The following CNTLN variants were observed in gnomAD, a reference collection of about 807,000 sequenced individuals.
The protein encoded by CNTLN is centlein, centrosomal protein.
Under a neutral mutation model 180.0 loss-of-function variants are expected in CNTLN, and 212 were observed. That is an observed-to-expected ratio of 1.18 (90% confidence interval 1.05 to 1.32). The LOEUF (loss-of-function observed/expected upper bound fraction) is 1.32, where lower values mean the gene tolerates loss of function less well. CNTLN is among the 40% of genes most tolerant of loss of function. CNTLN has a pLI of 0.00. For synonymous variants in CNTLN, 722 were observed against 563.1 expected, an observed-to-expected ratio of 1.28 and a Z score of -3.99; for missense variants, 2,095 against 1,610.9, an observed-to-expected ratio of 1.30 and a Z score of -5.14.
chr9:17,502,604 A>G lies in CNTLN; in HGVS notation c.4173A>G (p.Lys1391=), dbSNP rs772084639. The G allele has an allele frequency of 9.9e-6, 14 of 1,414,524 alleles. No homozygotes were observed. Among genetic ancestry groups the G allele is most frequent in the Non-Finnish European group, 1.4e-5 (14 of 1,033,876 alleles). The allele number at this position is 1,414,524 out of a possible 1,614,324, so 87.6% of individuals were successfully genotyped here. A position where few individuals can be genotyped will look rare whatever the true frequency, so the allele number is the denominator to read the frequency against. Residue 1391 remains lysine, a synonymous_variant, in exon 26 of 26, where the codon AAA becomes AAG. Coordinates refer to ENST00000380647, the MANE Select transcript of CNTLN (RefSeq NM_017738.4). ...CAGTACTGGAAAAAATAAATGAAAAAAAGAAACTAGTTGAAGGATATTTCA... is the reference window on the plus strand; with the variant it reads ...CAGTACTGGAAAAAATAAATGAAAAGAAGAAACTAGTTGAAGGATATTTCA... ...LEAVLEKINE[K]KKLVEGYFTI...
chr9:17,493,140 A>G (rs1312750662), intron 25 of CNTLN, among the ~76,000 whole-genome samples: 1 of 152,046 alleles, frequency 6.6e-6, no homozygotes, highest in Non-Finnish European at 1.5e-5. Context: ...GAAAAATCCT[A>G]GAGATAGAGG....
intron 19 of CNTLN, among the ~76,000 whole-genome samples, chr9:17,462,355 C>T (rs1831505715): frequency 6.6e-6 from 1 of 151,718 alleles, no homozygotes; most frequent in Non-Finnish European, 1.5e-5. Context: ...GCAAGGTGAT[C>T]CTGGAGCAGC....
chr9:17,364,254 T>TA (rs1306565184), intron 12 of CNTLN, among the ~76,000 whole-genome samples: 3 of 152,194 alleles, frequency 2.0e-5, no homozygotes, highest in Admixed American at 2.0e-4. Flanking sequence ...TAATTTCTAT[T>TA]AAATGCTTTC....
At chr9:17,516,605 C>A in the CNTLN span, among the ~76,000 whole-genome samples, 1 of 152,122 alleles carries the variant, frequency 6.6e-6, no homozygotes, top group East Asian at 1.9e-4. Context: ...TTCTTGGCCC[C>A]CCCTGGATAA....
At chr9:17,307,111 G>A (rs1417633221) in intron 7 of CNTLN, among the ~76,000 whole-genome samples, 4 of 152,092 alleles carry the variant, frequency 2.6e-5, no homozygotes, top group East Asian at 1.9e-4. Flanking sequence ...CATTGGACAT[G>A]CTCCTTGGTA....
chr9:17,351,559 AT>A (rs1302939095), intron 12 of CNTLN, among the ~76,000 whole-genome samples: 3 of 151,828 alleles, frequency 2.0e-5, no homozygotes, highest in Admixed American at 1.3e-4. Context: ...TTTATGTATT[AT>A]TTTTTTTCTG....
intron 2 of CNTLN, among the ~76,000 whole-genome samples, chr9:17,219,442 A>G (rs1157202755): frequency 6.6e-6 from 1 of 152,052 alleles, no homozygotes; most frequent in Non-Finnish European, 1.5e-5. Flanking sequence ...AAAATGTTAG[A>G]CATCTCATAC....
At chr9:17,393,970 C>A (rs1826301112) in intron 14 of CNTLN, among the ~76,000 whole-genome samples, 1 of 151,678 alleles carries the variant, frequency 6.6e-6, no homozygotes, top group African/African-American at 2.4e-5. Flanking sequence ...TATGTGCAAC[C>A]TTGAAATCAT....
At chr9:17,341,718 C>T (rs116611204) in intron 11 of CNTLN, among the ~76,000 whole-genome samples, 1,999 of 152,162 alleles carry the variant, frequency 0.013, 43 homozygotes, top group African/African-American at 0.046. Flanking sequence ...GTTTTATGTT[C>T]AGAAAATGAA....
intron 6 of CNTLN, among the ~76,000 whole-genome samples, chr9:17,290,905 G>C (rs533957253): frequency 1.3e-5 from 2 of 152,288 alleles, no homozygotes; most frequent in Non-Finnish European, 2.9e-5. Context: ...TGCGCCCACT[G>C]TCTGGCACTC....
chr9:17,331,901 ACT>A (rs1820668883), intron 9 of CNTLN, among the ~76,000 whole-genome samples: 1 of 151,992 alleles, frequency 6.6e-6, no homozygotes. Context: ...TATGACTTTG[ACT>A]TTTTTCTGCC....
intron 18 of CNTLN, among the ~76,000 whole-genome samples, chr9:17,426,455 A>G (rs1829090120): frequency 6.6e-6 from 1 of 152,150 alleles, no homozygotes; most frequent in Non-Finnish European, 1.5e-5. Flanking sequence ...TCTTGTTTCG[A>G]TAGTCTTCCT....
At chr9:17,353,352 A>G (rs1465411585) in intron 12 of CNTLN, among the ~76,000 whole-genome samples, 3 of 145,332 alleles carry the variant, frequency 2.1e-5, no homozygotes, top group South Asian at 2.1e-4. Flanking sequence ...TGAGGGTTCT[A>G]ATTTCCCCAC....
chr9:17,357,581 T>A (rs912388578), intron 12 of CNTLN, among the ~76,000 whole-genome samples: 1 of 105,330 alleles, frequency 9.5e-6, no homozygotes, highest in Non-Finnish European at 1.9e-5. Flanking sequence ...AAATACTACA[T>A]ATATATATAT....
At chr9:17,501,300 G>A (rs984182496) in intron 25 of CNTLN, among the ~76,000 whole-genome samples, 1 of 152,216 alleles carries the variant, frequency 6.6e-6, no homozygotes, top group Non-Finnish European at 1.5e-5. Context: ...GCAGATTACT[G>A]TAAACATAAG....
At chr9:17,383,643 A>T (rs902549024) in intron 13 of CNTLN, among the ~76,000 whole-genome samples, 4 of 147,614 alleles carry the variant, frequency 2.7e-5, no homozygotes, top group East Asian at 4.0e-4. Flanking sequence ...CGTAACATGA[A>T]TTTTTTTTTT....
chr9:17,289,190 T>G (rs1373424552), intron 6 of CNTLN, among the ~76,000 whole-genome samples: 3 of 115,844 alleles, frequency 2.6e-5, no homozygotes, highest in Non-Finnish European at 5.1e-5. Context: ...AGGAGCTCTT[T>G]TAGGGCAGGC....
intron 6 of CNTLN, among the ~76,000 whole-genome samples, chr9:17,294,931 CG>C (rs1204612283): frequency 9.6e-5 from 3 of 31,338 alleles, no homozygotes; most frequent in Non-Finnish European, 1.8e-4. Context: ...GGGGGGAGGG[CG>C]GGGGAGGCTC....
Position 17,334,683 on chromosome 9 carries a change from C to T in CNTLN, c.1644+1953C>T, listed in dbSNP as rs117221988. 9.7e-4 allele frequency among the ~76,000 whole-genome samples: 147 copies of T among 152,098 alleles called. 3 individuals are homozygous for T. The East Asian group carries it at 0.021, about 22-fold the overall frequency. ...AATGTAGAAACAGAAAACTAAATAT[C>T]ACATGTTCTCATTTATAAGTGGGGG... is the stretch of plus-strand genomic sequence containing the variant. On this transcript the variant is annotated intron_variant, in intron 10 of 25. Transcript: ENST00000380647.
Sources: gnomAD v4.1 joint callset for allele counts (sites outside exome capture counted in the v4.1 genomes callset) on GRCh38, gnomAD v4.1.1 for gene constraint, MANE v1.5 for transcripts, NCBI Gene and HGNC (gene_info 2026-07-23, HGNC 2026-07-21) for gene names.